ARFGEF3: variants seen among roughly 807,000 people sequenced by gnomAD.
ARFGEF3 encodes ARFGEF family member 3.
In ARFGEF3, 96 loss-of-function variants were observed where a neutral mutation model predicts 221.7. That is an observed-to-expected ratio of 0.43 (90% CI 0.37 to 0.51). The LOEUF is 0.51. Among genes scored for constraint, ARFGEF3 ranks in the 20% least tolerant of loss-of-function variants. ARFGEF3 has a pLI of 0.00. For synonymous variants in ARFGEF3, 1,145 were observed against 1,126.8 expected, an observed-to-expected ratio of 1.02 and a Z score of -0.32; for missense variants, 2,410 against 2,789.9, an observed-to-expected ratio of 0.86 and a Z score of 3.07.
chr6:138,253,993 C>G lies in ARFGEF3; in HGVS notation c.770+9C>G. ...TTCACGGACCTGATCTGGTGAGCAC[C>G]CACTCCTGACGCCCCGACGCTGATG... On this transcript the variant is annotated intron_variant, in intron 9 of 33. Transcript: ENST00000251691. 6.5e-7 allele frequency: 1 copy of G among 1,545,770 alleles called. No homozygotes were observed. Among genetic ancestry groups the G allele is most frequent in the Admixed American group, 2.1e-5 (1 of 47,344 alleles).
intron 6 of ARFGEF3, among the ~76,000 whole-genome samples, chr6:138,239,296 C>A (rs947309684): frequency 1.3e-5 from 2 of 152,126 alleles, no homozygotes; most frequent in African/African-American, 2.4e-5. Flanking sequence ...AGATTAAAAT[C>A]CTTTTGAAAT....
At chr6:138,205,538 TA>T (rs1777610494) in intron 2 of ARFGEF3, among the ~76,000 whole-genome samples, 1 of 152,118 alleles carries the variant, frequency 6.6e-6, no homozygotes, top group South Asian at 2.1e-4. Flanking sequence ...TATCATTGCA[TA>T]AAGGAAACAA....
In ARFGEF3 at chr6:138,336,491, C is replaced by CTCTCCCA; in HGVS notation, c.*7_*8insTCCCATC. 1 of 1,596,124 alleles carries CTCTCCCA rather than the reference C, an allele frequency of 6.3e-7. No homozygotes were observed. Among genetic ancestry groups the CTCTCCCA allele is most frequent in the Non-Finnish European group, 8.5e-7 (1 of 1,171,160 alleles). ...GTCTATGACATCATTGTGTAGCCGA[C>CTCTCCCA]TCCTGTTCTACTCTCCCACCAAATA... On this transcript the variant is annotated 3_prime_UTR_variant, in exon 34 of 34. Coordinates refer to ENST00000251691, the MANE Select transcript of ARFGEF3 (RefSeq NM_020340.5).
chr6:138,195,105 C>A (rs146651596), intron 2 of ARFGEF3, among the ~76,000 whole-genome samples: 1 of 142,620 alleles, frequency 7.0e-6, no homozygotes, highest in Non-Finnish European at 1.5e-5. Context: ...CAGGTTCAAG[C>A]GATGTTTCTG....
intron 12 of ARFGEF3, among the ~76,000 whole-genome samples, chr6:138,270,382 A>G (rs1179149475): frequency 6.6e-6 from 1 of 151,794 alleles, no homozygotes. Flanking sequence ...AGGAGTTTAT[A>G]TAGACATAAA....
Position 138,285,932 on chromosome 6 carries a change from T to C in ARFGEF3, c.2462-14T>C, listed in dbSNP as rs1779279948. The C allele has an allele frequency of 1.3e-6, 2 of 1,578,438 alleles. No homozygotes were observed. Among genetic ancestry groups the C allele is most frequent in the Admixed American group, 1.7e-5 (1 of 59,872 alleles). ...GTTTTATTTAGGGAAAACTTCTTTC[T>C]TTTTCCTTGACAGATATTGACGGCT... On this transcript the variant is annotated splice_polypyrimidine_tract_variant and intron_variant, in intron 14 of 33. Coordinates refer to ENST00000251691, the MANE Select transcript of ARFGEF3 (RefSeq NM_020340.5).
intron 27 of ARFGEF3, among the ~76,000 whole-genome samples, chr6:138,318,117 A>T (rs1779959093): frequency 6.6e-6 from 1 of 152,204 alleles, no homozygotes; most frequent in African/African-American, 2.4e-5. Flanking sequence ...TTGATAATTG[A>T]TACCGTTTCA....
intron 12 of ARFGEF3, among the ~76,000 whole-genome samples, chr6:138,266,327 GAA>G (rs1778890866): frequency 1.3e-5 from 2 of 151,888 alleles, no homozygotes; most frequent in Non-Finnish European, 2.9e-5. Context: ...AAGGCAGAGA[GAA>G]AGAAGGGAAG....
intron 4 of ARFGEF3, among the ~76,000 whole-genome samples, chr6:138,214,790 A>G (rs547035367): frequency 1.3e-5 from 2 of 152,056 alleles, no homozygotes; most frequent in Non-Finnish European, 2.9e-5. Context: ...TCAGAGGGTT[A>G]AAAAAAATCA....
At chr6:138,218,222 TTTTTC>T in intron 4 of ARFGEF3, 1 of 1,613,840 alleles carries the variant, frequency 6.2e-7, no homozygotes, top group Non-Finnish European at 8.5e-7. Flanking sequence ...TTCTTTTTAC[TTTTTC>T]TTTTTTTCGA....
chr6:138,199,991 A>G (rs1038097155), intron 2 of ARFGEF3, among the ~76,000 whole-genome samples: 2 of 148,482 alleles, frequency 1.3e-5, no homozygotes, highest in African/African-American at 2.4e-5. Context: ...TTAGCCATTC[A>G]GCATTATGTT....
intron 2 of ARFGEF3, among the ~76,000 whole-genome samples, chr6:138,182,705 A>C (rs1018874918): frequency 3.3e-5 from 5 of 152,248 alleles, no homozygotes; most frequent in African/African-American, 1.2e-4. Context: ...ATGTAATTAA[A>C]TAACTAACTC....
intron 32 of ARFGEF3, among the ~76,000 whole-genome samples, chr6:138,329,053 A>C (rs1334577500): frequency 6.6e-6 from 1 of 152,134 alleles, no homozygotes; most frequent in Non-Finnish European, 1.5e-5. Context: ...AGTGGGAAGC[A>C]CATAAACCTC....
intron 18 of ARFGEF3, 23 bp downstream of exon 18, chr6:138,289,991 CA>C (rs1160289400): frequency 6.3e-7 from 1 of 1,598,726 alleles, no homozygotes; most frequent in East Asian, 2.3e-5. Context: ...CTCCCACCCC[CA>C]GATGGCACTA....
intron 2 of ARFGEF3, among the ~76,000 whole-genome samples, chr6:138,186,516 G>A (rs1305518917): frequency 3.3e-5 from 5 of 152,122 alleles, no homozygotes; most frequent in Admixed American, 2.6e-4. Context: ...CCTTTTTGTC[G>A]GTAAAGCAAA....
Position 138,323,671 on chromosome 6 carries a change from A to G in ARFGEF3, c.4767A>G (p.Arg1589=). The G allele has an allele frequency of 6.2e-7, 1 of 1,613,480 alleles. No individual in the cohort carries two copies. Among genetic ancestry groups the G allele is most frequent in the Non-Finnish European group, 8.5e-7 (1 of 1,179,598 alleles). ...CTCCTTTACTTGTTTCTTTTGGCAG[A>G]TACGTCCTTGTGACAGCGGGCCCTG... ...TISRVGCSCI[R]YVLVTAGPVF... Residue 1589 remains arginine (R), a splice_region_variant and synonymous_variant, in exon 30 of 34, where the codon AGA becomes AGG. Coordinates refer to ENST00000251691, the MANE Select transcript of ARFGEF3 (RefSeq NM_020340.5).
chr6:138,261,474 G>A, intron 10 of ARFGEF3, 53 bp from the exon 11 acceptor site: 1 of 1,072,358 alleles, frequency 9.3e-7, no homozygotes, highest in South Asian at 1.6e-5. Context: ...TAAAAACCTT[G>A]TGCTTTTTTG....
chr6:138,321,294 T>G, intron 29 of ARFGEF3, 69 bp downstream of exon 29: 1 of 932,414 alleles, frequency 1.1e-6, no homozygotes, highest in Non-Finnish European at 1.6e-6. Flanking sequence ...GAAATTAAAT[T>G]GTCTTTGTGG....
chr6:138,184,630 G>A (rs997804829), intron 2 of ARFGEF3, among the ~76,000 whole-genome samples: 2 of 152,208 alleles, frequency 1.3e-5, no homozygotes, highest in African/African-American at 2.4e-5. Flanking sequence ...GCCTGAGCAG[G>A]CAAGATTTGG....
Sources: gnomAD v4.1 joint callset for allele counts (sites outside exome capture counted in the v4.1 genomes callset) on GRCh38, gnomAD v4.1.1 for gene constraint, MANE v1.5 for transcripts, NCBI Gene and HGNC (gene_info 2026-07-23, HGNC 2026-07-21) for gene names.